The following IFT140 variants were observed in gnomAD, a reference collection of about 807,000 sequenced individuals.
IFT140 encodes the protein intraflagellar transport protein 140 homolog.
A neutral mutation model predicts 164.6 loss-of-function variants in IFT140; 133 were observed. The observed-to-expected ratio is 0.81, with a 90% confidence interval of 0.70 to 0.93. IFT140 has a LOEUF of 0.93. Among genes scored for constraint, IFT140 ranks in the 40% least tolerant of loss-of-function variants. IFT140 has a pLI of 0.00. For missense variants in IFT140, 2,045 were observed against 1,972.3 expected, an observed-to-expected ratio of 1.04 and a Z score of -0.70; for synonymous variants, 860 against 817.3, an observed-to-expected ratio of 1.05 and a Z score of -0.89.
At chr16:1,595,070 G>C (rs1271087976) in intron 4 of IFT140, among the ~76,000 whole-genome samples, 1 of 152,142 alleles carries the variant, frequency 6.6e-6, no homozygotes, top group Non-Finnish European at 1.5e-5. Context: ...CGGATCACAA[G>C]GTCAGGAGAT....
chr16:1,523,180 C>T (rs1408629361), intron 26 of IFT140, among the ~76,000 whole-genome samples: 1 of 150,622 alleles, frequency 6.6e-6, no homozygotes, highest in Non-Finnish European at 1.5e-5. Context: ...GATGGCACCA[C>T]CACAGTCCAG....
intron 19 of IFT140, among the ~76,000 whole-genome samples, chr16:1,552,641 G>A (rs893225511): frequency 6.8e-6 from 1 of 147,624 alleles, no homozygotes; most frequent in Non-Finnish European, 1.5e-5. Flanking sequence ...TCATTACAAA[G>A]AGAATGCTTT....
chr16:1,570,889 G>A (rs574565332), intron 14 of IFT140, among the ~76,000 whole-genome samples: 1 of 152,212 alleles, frequency 6.6e-6, no homozygotes, highest in South Asian at 2.1e-4. Flanking sequence ...CCAAGCAGGT[G>A]GGACTACAGG....
chr16:1,561,767 G>A (rs2033420990), intron 18 of IFT140, among the ~76,000 whole-genome samples: 1 of 152,218 alleles, frequency 6.6e-6, no homozygotes, highest in Non-Finnish European at 1.5e-5. Flanking sequence ...TCTATCCTGA[G>A]AGCAAAACCA....
chr16:1,557,776 G>A (rs1053201473), intron 19 of IFT140, 159 bp downstream of exon 19: 1 of 733,196 alleles, frequency 1.4e-6, no homozygotes, highest in Non-Finnish European at 2.3e-6. Context: ...TCTGCAAGCT[G>A]GGCAGCATTT....
At chr16:1,587,873 T>C (rs1316840035) in intron 8 of IFT140, 60 bp downstream of exon 8, 10 of 1,332,688 alleles carry the variant, frequency 7.5e-6, no homozygotes, top group East Asian at 2.4e-5. Flanking sequence ...AAAGCTGACT[T>C]AGAGGAGCCT....
chr16:1,550,629 C>T (rs137889294), intron 19 of IFT140, among the ~76,000 whole-genome samples: 1 of 152,134 alleles, frequency 6.6e-6, no homozygotes, highest in African/African-American at 2.4e-5. Flanking sequence ...GGCAGGAGGC[C>T]GGGCTCAGTT....
At position 1,583,294 on chromosome 16, in the gene IFT140, T is replaced by C. The variant is rs1044258265; in HGVS notation, c.1432+20A>G. ...AAGCCAGGTAGTGGGAGTGCCTCTG[T>C]CCGGGTGAAAAGAACCCACCTGCAC... On this transcript the variant is annotated intron_variant, in intron 12 of 30. Transcript: ENST00000426508. The C allele has an allele frequency of 3.7e-6, 6 of 1,610,360 alleles. No individual in the cohort carries two copies. Among genetic ancestry groups the C allele is most frequent in the Admixed American group, 3.3e-5 (2 of 59,980 alleles).
Position 1,568,241 on chromosome 16 carries a change from G to A in IFT140, c.1746C>T (p.Ser582=). 1 of 1,607,616 alleles carries A rather than the reference G, an allele frequency of 6.2e-7. No individual in the cohort carries two copies. The highest frequency in any genetic ancestry group is 8.5e-7 in the Non-Finnish European group (1 of 1,177,520). Residue 582 remains serine, a synonymous_variant, in exon 15 of 31, where the codon AGC becomes AGT. Coordinates refer to ENST00000426508, the MANE Select transcript of IFT140 (RefSeq NM_014714.4). ...IASLRCSSSG[S]TISILPSKAD... is the part of the protein sequence containing the mutation. The stretch of plus-strand genomic sequence containing the variant: ...CCTTGCTGGGGAGGATGCTGATGGT[G>A]CTCCCGCTGCTGCTGCACCGCAGAG...
intron 10 of IFT140, 22 bp from the exon 11 acceptor site, chr16:1,584,442 G>A (rs963578216): frequency 7.0e-6 from 11 of 1,572,618 alleles, no homozygotes; most frequent in Non-Finnish European, 8.6e-6. Context: ...GGTTGCAAGA[G>A]AAAGAACCAG....
Position 1,607,113 on chromosome 16 carries a change from C to G in IFT140, c.147+7G>C, listed in dbSNP as rs2036113960. ...CACAGTCAGGCTCCTTGCTTCTGAG[C>G]ACTCACTTGCTCCAGGTAAATATCC... On this transcript the variant is annotated splice_region_variant and intron_variant, in intron 3 of 30. Coordinates refer to ENST00000426508, the MANE Select transcript of IFT140 (RefSeq NM_014714.4). 11 of 1,613,364 alleles carry G rather than the reference C, an allele frequency of 6.8e-6. No individual in the cohort carries two copies. Among genetic ancestry groups the G allele is most frequent in the African/African-American group, 1.3e-5 (1 of 74,906 alleles).
chr16:1,591,353 C>T (rs1356740779), intron 6 of IFT140, among the ~76,000 whole-genome samples: 1 of 152,210 alleles, frequency 6.6e-6, no homozygotes, highest in Non-Finnish European at 1.5e-5. Context: ...AATGTCCCCC[C>T]TCCATTAGCT....
rs1023885570 is a variant in IFT140, at chr16:1,587,860, C to T, written c.902+73G>A. The T allele has an allele frequency of 2.5e-6, 3 of 1,205,626 alleles. No homozygotes were observed. The African/African-American group carries it at 4.5e-5, about 18-fold the overall frequency. The allele number at this position is 1,205,626 out of a possible 1,614,324, so 74.7% of individuals were successfully genotyped here. On this transcript the variant is annotated intron_variant, in intron 8 of 30. Transcript: ENST00000426508. The stretch of plus-strand genomic sequence containing the variant: ...GCATTTTACATATGCTCCATTCCAA[C>T]ACAAAGCTGACTTAGAGGAGCCTGT...
rs1001061016 is a variant in IFT140 at position 1,520,432 on chromosome 16, G to C, written c.3661-89C>G. 7.6e-6 allele frequency: 11 copies of C among 1,447,286 alleles called. No individual in the cohort carries two copies. The African/African-American group carries it at 1.1e-4, about 15-fold the overall frequency. 89.7% of individuals were successfully genotyped at this position (1,447,286 alleles called of 1,614,324 possible). On this transcript the variant is annotated intron_variant, in intron 27 of 30. Coordinates refer to ENST00000426508, the MANE Select transcript of IFT140 (RefSeq NM_014714.4). ...CCGAGCAGGAGCTCTCACAAGAAGA[G>C]TGGCTCAGGGCTGCCCGGTAGAGAG...
intron 4 of IFT140, among the ~76,000 whole-genome samples, chr16:1,593,315 C>CTT (rs796687743): frequency 6.8e-6 from 1 of 146,172 alleles, no homozygotes; most frequent in Non-Finnish European, 1.5e-5. Flanking sequence ...TTAAAATAAA[C>CTT]TTTTTTTTTT....
intron 24 of IFT140, 159 bp from the exon 25 acceptor site, chr16:1,524,115 G>T: frequency 2.1e-6 from 2 of 939,158 alleles, no homozygotes; most frequent in Non-Finnish European, 3.1e-6. Flanking sequence ...TGACTTACTG[G>T]GTTTGTCTAC....
intron 13 of IFT140, chr16:1,580,475 T>TGAGAGAGAGAGA: frequency 3.2e-6 from 1 of 314,272 alleles, no homozygotes; most frequent in Non-Finnish European, 6.0e-6. Context: ...TCGCTCTCTC[T>TGAGAGAGAGAGA]TCCTCCTGCT....
intron 30 of IFT140, among the ~76,000 whole-genome samples, chr16:1,513,544 C>A (rs993076999): frequency 6.6e-6 from 1 of 152,020 alleles, no homozygotes; most frequent in African/African-American, 2.4e-5. Context: ...AACAGCAGCA[C>A]GACTCCTGTG....
chr16:1,513,546 A>G (rs2040239518), intron 30 of IFT140, among the ~76,000 whole-genome samples: 1 of 150,942 alleles, frequency 6.6e-6, no homozygotes, highest in African/African-American at 2.4e-5. Context: ...CAGCAGCACG[A>G]CTCCTGTGAG....
Sources: gnomAD v4.1 joint callset for allele counts (sites outside exome capture counted in the v4.1 genomes callset) on GRCh38, gnomAD v4.1.1 for gene constraint, MANE v1.5 for transcripts, NCBI Gene and HGNC (gene_info 2026-07-23, HGNC 2026-07-21) for gene names.